IFNGR1: variants seen among roughly 807,000 people sequenced by gnomAD.
IFNGR1 encodes the protein interferon gamma receptor 1, also known as AVP, type 2.
In IFNGR1, 23 loss-of-function variants were observed where a neutral mutation model predicts 35.4. The ratio of observed to expected loss-of-function variants is 0.65; its 90% CI spans 0.47 to 0.92. The LOEUF (loss-of-function observed/expected upper bound fraction) is 0.92. IFNGR1 is among the 40% of genes least tolerant of loss of function. The pLI is 0.00. For synonymous variants in IFNGR1, 199 were observed against 209.5 expected, an observed-to-expected ratio of 0.95 and a Z score of 0.43; for missense variants, 533 against 583.4, an observed-to-expected ratio of 0.91 and a Z score of 0.89.
At position 137,210,923 on chromosome 6, in the gene IFNGR1, T is replaced by C. The variant is rs1196919959; in HGVS notation, c.86-3846A>G. Among the ~76,000 whole-genome samples the C allele has an allele frequency of 2.6e-5, 4 of 152,176 alleles. No individual in the cohort carries two copies. The South Asian group carries it at 8.3e-4, about 32-fold the overall frequency. On this transcript the variant is annotated intron_variant, in intron 1 of 6. Coordinates refer to ENST00000367739, the MANE Select transcript of IFNGR1 (RefSeq NM_000416.3). ...ACACATATATTTTCAAAGCAGAACA[T>C]GGATTAAGAGTTTTTTAGGTAAATA... is the stretch of plus-strand genomic sequence containing the variant.
In IFNGR1 at chr6:137,197,903, C is replaced by A. The variant is rs7769141; in HGVS notation, c.*128G>T. 527 of 1,239,116 alleles carry A rather than the reference C, an allele frequency of 4.3e-4. 2 individuals are homozygous for A. In the African/African-American group the frequency reaches 6.4e-3, roughly 15 times the overall value. 76.8% of individuals were successfully genotyped at this position (1,239,116 alleles called of 1,614,324 possible). A position where few individuals can be genotyped will look rare whatever the true frequency, so the allele number is the denominator to read the frequency against. ...CACATCCTCTTTACGCTTTCATGTA[C>A]ACTAAGTCACTCCATTTGGTTGATA... On this transcript the variant is annotated 3_prime_UTR_variant, in exon 7 of 7. Transcript: ENST00000367739.
intron 1 of IFNGR1, among the ~76,000 whole-genome samples, chr6:137,214,763 A>C (rs1488962014): frequency 6.6e-6 from 1 of 152,200 alleles, no homozygotes; most frequent in East Asian, 1.9e-4. Flanking sequence ...TCTCTTTTGG[A>C]CTAACTCATT....
At chr6:137,199,535 A>AACATATAAC (rs1779217072) in intron 6 of IFNGR1, among the ~76,000 whole-genome samples, 1 of 82,162 alleles carries the variant, frequency 1.2e-5, no homozygotes, top group South Asian at 5.6e-4. Context: ...TATAATATAT[A>AACATATAAC]ATATATATTA....
rs116653777 is a variant in IFNGR1, at chr6:137,211,557, G to A, written c.86-4480C>T. On this transcript the variant is annotated intron_variant, in intron 1 of 6. Transcript: ENST00000367739. ...GTTTTCTCCTTCTGCTTCCAGAGGC[G>A]CAGCTGAAGGCTCTTGGTACCTGCC... 8.2e-3 allele frequency among the ~76,000 whole-genome samples: 1,243 copies of A among 152,186 alleles called. 15 individuals carry two copies. Among genetic ancestry groups the A allele is most frequent in the African/African-American group, 0.028 (1,180 of 41,520 alleles).
chr6:137,198,675 G>A (rs1443423246), intron 6 of IFNGR1, 36 bp from the exon 7 acceptor site: 1 of 1,563,040 alleles, frequency 6.4e-7, no homozygotes. Flanking sequence ...ATAAAAAATT[G>A]TTAAGCTTAA....
chr6:137,200,046 C>T (rs1027580248), intron 6 of IFNGR1, among the ~76,000 whole-genome samples: 1 of 152,152 alleles, frequency 6.6e-6, no homozygotes, highest in African/African-American at 2.4e-5. Flanking sequence ...ACTGCTGGTA[C>T]TACTGGATAT....
chr6:137,204,286 G>T (rs767787467), intron 4 of IFNGR1, 46 bp downstream of exon 4: 1 of 1,512,246 alleles, frequency 6.6e-7, no homozygotes, highest in African/African-American at 1.4e-5. Flanking sequence ...AACAACTTTT[G>T]CTAGCTACAC....
chr6:137,201,978 T>A (rs928497952), intron 5 of IFNGR1, among the ~76,000 whole-genome samples: 1 of 141,388 alleles, frequency 7.1e-6, no homozygotes, highest in Admixed American at 7.3e-5. Context: ...ATCTTCAGTA[T>A]TTTTTTTTTT....
rs148158267 is a variant in IFNGR1, at chr6:137,198,401, G to C, written c.1100C>G (p.Pro367Arg). Residue 367 changes from proline to arginine, a missense_variant, in exon 7 of 7, where the codon CCG (proline) becomes CGG (arginine). Physicochemically the swap from Pro to Arg is moderately radical, Grantham distance 103. Coordinates refer to ENST00000367739, the MANE Select transcript of IFNGR1 (RefSeq NM_000416.3). The part of the protein sequence containing the change: ...TTEENIPDVV[P>R]GSHLTPIERE... Reference sequence around the variant, plus strand: ...CTCTATTGGAGTCAGATGGCTGCCCGGGACCACGTCAGGAATATTTTCTTC... The same window carrying C: ...CTCTATTGGAGTCAGATGGCTGCCCCGGACCACGTCAGGAATATTTTCTTC... 2 of 1,614,028 alleles carry C rather than the reference G, an allele frequency of 1.2e-6. No individual in the cohort carries two copies. Among genetic ancestry groups the C allele is most frequent in the Non-Finnish European group, 1.7e-6 (2 of 1,180,000 alleles).
intron 6 of IFNGR1, among the ~76,000 whole-genome samples, chr6:137,199,537 TATATA>T (rs1779219351): frequency 1.7e-5 from 1 of 58,392 alleles, no homozygotes; most frequent in Non-Finnish European, 3.2e-5. Flanking sequence ...TAATATATAA[TATATA>T]TTATATAACA....
intron 1 of IFNGR1, among the ~76,000 whole-genome samples, chr6:137,210,385 C>A (rs1345158940): frequency 1.3e-5 from 2 of 152,042 alleles, no homozygotes; most frequent in Non-Finnish European, 2.9e-5. Context: ...ACTGAACACA[C>A]ACACTTCTCC....
intron 1 of IFNGR1, among the ~76,000 whole-genome samples, chr6:137,209,055 T>TA (rs1283361422): frequency 1.3e-5 from 2 of 152,212 alleles, no homozygotes; most frequent in African/African-American, 4.8e-5. Flanking sequence ...TTCGGAGCTT[T>TA]AAGATTTGAC....
intron 3 of IFNGR1, among the ~76,000 whole-genome samples, chr6:137,205,399 A>G (rs926642886): frequency 3.3e-5 from 5 of 152,342 alleles, no homozygotes; most frequent in African/African-American, 7.2e-5. Flanking sequence ...GTTGGAATAC[A>G]GGAACTGGAA....
intron 3 of IFNGR1, 89 bp downstream of exon 3, chr6:137,206,047 T>A: frequency 9.4e-7 from 1 of 1,066,652 alleles, no homozygotes; most frequent in Non-Finnish European, 1.5e-6. Flanking sequence ...TGTGATAATT[T>A]TCAGCAACTG....
chr6:137,201,046 G>C (rs779286764), intron 5 of IFNGR1, 38 bp from the exon 6 acceptor site: 3 of 1,601,306 alleles, frequency 1.9e-6, no homozygotes, highest in Non-Finnish European at 1.7e-6. Context: ...CAATTAAGAT[G>C]GAATACTGCT....
rs1330101963 is a variant in IFNGR1 at position 137,198,016 on chromosome 6, G to A, written c.*15C>T. 1.9e-6 allele frequency: 3 copies of A among 1,613,708 alleles called. No homozygotes were observed. In the African/African-American group the frequency reaches 4.0e-5, roughly 22 times the overall value. ...AGGAAAATCAGACTTCAAAGTTGGT[G>A]CAACTTAGCTGATCTCATGAAAATT... On this transcript the variant is annotated 3_prime_UTR_variant, in exon 7 of 7. Coordinates refer to ENST00000367739, the MANE Select transcript of IFNGR1 (RefSeq NM_000416.3).
At chr6:137,204,663 A>G (rs1779387991) in intron 3 of IFNGR1, among the ~76,000 whole-genome samples, 159 bp from the exon 4 acceptor site, 1 of 152,212 alleles carries the variant, frequency 6.6e-6, no homozygotes, top group African/African-American at 2.4e-5. Flanking sequence ...TCTAGAAGAT[A>G]GTCTCGGGGT....
intron 1 of IFNGR1, chr6:137,218,589 T>TA (rs1175453634): frequency 3.5e-6 from 2 of 576,010 alleles, no homozygotes; most frequent in African/African-American, 8.0e-5. Flanking sequence ...GCACTTTGAG[T>TA]CCCCCCCCCC....
chr6:137,217,725 C>T (rs772528088), intron 1 of IFNGR1, among the ~76,000 whole-genome samples: 3 of 152,172 alleles, frequency 2.0e-5, no homozygotes, highest in Non-Finnish European at 4.4e-5. Flanking sequence ...CAATAAATTC[C>T]TCTTTTTGCT....
Sources: allele counts gnomAD v4.1 joint callset (sites outside exome capture counted in the v4.1 genomes callset), GRCh38; gene constraint gnomAD v4.1.1; transcripts MANE v1.5; gene names NCBI Gene and HGNC (gene_info 2026-07-23, HGNC 2026-07-21).